Variants in FGF8 observed in about 807,000 individuals in gnomAD.
The protein encoded by FGF8 is androgen-induced growth factor.
Under a neutral mutation model 29.7 loss-of-function variants are expected in FGF8, and 12 were observed. That is an observed-to-expected ratio of 0.40 (90% CI 0.26 to 0.65). The LOEUF (loss-of-function observed/expected upper bound fraction) is 0.65, where lower values mean the gene tolerates loss of function less well. Among genes scored for constraint, FGF8 ranks in the 30% least tolerant of loss-of-function variants. The pLI is 0.37. For missense variants in FGF8, 271 were observed against 345.1 expected (o/e 0.79, Z 1.70); for synonymous variants, 157 against 144.4 (o/e 1.09, Z -0.63).
At chr10:101,776,483 C>G (rs1052039281), upstream of FGF8, among the ~76,000 whole-genome samples, 2 of 151,874 alleles carry the variant, frequency 1.3e-5, no homozygotes, top group African/African-American at 4.8e-5. Context: ...GCTGCAAACT[C>G]TGCGGGCCGG....
In FGF8 at chr10:101,775,927, C is replaced by A. The variant is rs1315801355; in HGVS notation, c.-27G>T. On this transcript the variant is annotated 5_prime_UTR_variant, in exon 1 of 6. Coordinates refer to ENST00000320185, the MANE Select transcript of FGF8 (RefSeq NM_033163.5). This position sits in a 1 kb window ranked among gnomAD's most constrained non-coding sequence, Gnocchi z 4.6. ...GCGCGCGGCCCCGGGGCACCGAGAGCCCGGCGGGTCACGCCGTCCCGCGGG... is the reference window on the plus strand; with the variant it reads ...GCGCGCGGCCCCGGGGCACCGAGAGACCGGCGGGTCACGCCGTCCCGCGGG... The A allele has an allele frequency of 8.2e-7, 1 of 1,212,938 alleles. No homozygotes were observed. The highest frequency in any genetic ancestry group is 1.0e-6 in the Non-Finnish European group (1 of 979,520). The allele number at this position is 1,212,938 out of a possible 1,614,324, so 75.1% of individuals were successfully genotyped here. A position where few individuals can be genotyped will look rare whatever the true frequency, so the allele number is the denominator to read the frequency against.
chr10:101,774,027 G>T (rs990664436), intron 4 of FGF8, among the ~76,000 whole-genome samples: 1 of 152,082 alleles, frequency 6.6e-6, no homozygotes, highest in Non-Finnish European at 1.5e-5. Flanking sequence ...CACAATAATC[G>T]CTCTCTAAAA....
In FGF8 at chr10:101,775,976, C is replaced by G; in HGVS notation, c.-76G>C. On this transcript the variant is annotated 5_prime_UTR_variant, in exon 1 of 6. Transcript: ENST00000320185. This position sits in a 1 kb window ranked among gnomAD's most constrained non-coding sequence, Gnocchi z 4.6. ...GGCCGCCGCGGGAGGACGCGCTGAGCAGGGCGCGAGCGGAGAGGGTGCGGG... is the reference window on the plus strand; with the variant it reads ...GGCCGCCGCGGGAGGACGCGCTGAGGAGGGCGCGAGCGGAGAGGGTGCGGG... 6.8e-6 allele frequency: 7 copies of G among 1,024,566 alleles called. No homozygotes were observed. Among genetic ancestry groups the G allele is most frequent in the Non-Finnish European group, 8.5e-6 (7 of 827,254 alleles). 63.5% of individuals were successfully genotyped at this position (1,024,566 alleles called of 1,614,324 possible).
At position 101,775,693 on chromosome 10, in the gene FGF8, T is replaced by C. The variant is rs1441408719; in HGVS notation, c.69+47A>G. The C allele has an allele frequency of 6.5e-7, 1 of 1,536,600 alleles. No individual in the cohort carries two copies. The highest frequency in any genetic ancestry group is 1.4e-5 in the African/African-American group (1 of 72,434). On this transcript the variant is annotated intron_variant, in intron 2 of 5. Transcript: ENST00000320185. The surrounding 1 kb of genome is among the most constrained non-coding windows in gnomAD (Gnocchi z 4.6). ...CCCCGACCGGCGCTGCCCACCCGGG[T>C]CTCACACCGGCGCGCCCGGCCCCCG...
chr10:101,774,104 G>A (rs1403946268), intron 4 of FGF8, among the ~76,000 whole-genome samples: 6 of 152,208 alleles, frequency 3.9e-5, no homozygotes, highest in Admixed American at 6.5e-5. Context: ...AATTGGCCCC[G>A]TTTCAAGGCA....
rs3218235 is a variant in FGF8 at position 101,771,442 on chromosome 10, A to G, written c.444+21T>C. 1.4e-5 allele frequency: 22 copies of G among 1,597,604 alleles called. No homozygotes were observed. The African/African-American group carries it at 2.8e-4, about 20-fold the overall frequency. On this transcript the variant is annotated intron_variant, in intron 5 of 5. Coordinates refer to ENST00000320185, the MANE Select transcript of FGF8 (RefSeq NM_033163.5). The surrounding 1 kb of genome is among the most constrained non-coding windows in gnomAD (Gnocchi z 5.3). ...CCACTCCCTAGGTCCCGCGGACCCCACCTGCCTGCTGGGGCCTCACCTTGG... is the reference window on the plus strand; with the variant it reads ...CCACTCCCTAGGTCCCGCGGACCCCGCCTGCCTGCTGGGGCCTCACCTTGG...
chr10:101,773,212 C>T (rs970459586), intron 4 of FGF8, among the ~76,000 whole-genome samples: 1 of 152,200 alleles, frequency 6.6e-6, no homozygotes, highest in Non-Finnish European at 1.5e-5. Context: ...GGACATCAGG[C>T]TTCCTCTGAT....
chr10:101,773,650 C>G (rs1041464988), intron 4 of FGF8, among the ~76,000 whole-genome samples: 1 of 152,164 alleles, frequency 6.6e-6, no homozygotes. Flanking sequence ...AAGTCAGCTA[C>G]GTCGATGCAG....
At chr10:101,773,147 G>A (rs2065046051) in intron 4 of FGF8, among the ~76,000 whole-genome samples, 1 of 152,218 alleles carries the variant, frequency 6.6e-6, no homozygotes, top group Admixed American at 6.5e-5. Context: ...CTATCCTGCT[G>A]TGGGGCAGGG....
chr10:101,775,310 A>C lies in FGF8; in HGVS notation c.70-94T>G. 1 of 933,308 alleles carries C rather than the reference A, an allele frequency of 1.1e-6. No individual in the cohort carries two copies. Among genetic ancestry groups the C allele is most frequent in the East Asian group, 2.6e-5 (1 of 37,834 alleles). 57.8% of individuals were successfully genotyped at this position (933,308 alleles called of 1,614,324 possible). A position where few individuals can be genotyped will look rare whatever the true frequency, so the allele number is the denominator to read the frequency against. On this transcript the variant is annotated intron_variant, in intron 2 of 5. Transcript: ENST00000320185. This position sits in a 1 kb window ranked among gnomAD's most constrained non-coding sequence, Gnocchi z 4.6. ...TTTACGGAGCAAATGTTGAGAGTGC[A>C]GGGAACCTGGGCACCCGATCATTGG...
Position 101,775,644 on chromosome 10 carries a change from C to T in FGF8, c.69+96G>A, listed in dbSNP as rs950465740. ...TAAGGTGCCCTCAGCCCTCCCGCGC[C>T]GGCCGCAGAGTCAGTCCCGGTGCCC... On this transcript the variant is annotated intron_variant, in intron 2 of 5. Transcript: ENST00000320185. This position sits in a 1 kb window ranked among gnomAD's most constrained non-coding sequence, Gnocchi z 4.6. The T allele has an allele frequency of 1.8e-5, 25 of 1,417,950 alleles. No homozygotes were observed. Among genetic ancestry groups the T allele is most frequent in the Non-Finnish European group, 2.3e-5 (24 of 1,049,388 alleles). The allele number at this position is 1,417,950 out of a possible 1,614,324, so 87.8% of individuals were successfully genotyped here.
chr10:101,777,273 A>G (rs1347746880), upstream of FGF8, among the ~76,000 whole-genome samples: 1 of 152,014 alleles, frequency 6.6e-6, no homozygotes, highest in Non-Finnish European at 1.5e-5. Flanking sequence ...GTGGACAGAG[A>G]TGCTCTGGGA....
rs2065084880 is a variant in FGF8, at chr10:101,775,906, G to A, written c.-6C>T. ...GCGGAGCGGGGGCTGCCCATGGCGC[G>A]CGGCCCCGGGGCACCGAGAGCCCGG... On this transcript the variant is annotated 5_prime_UTR_variant, in exon 1 of 6. Coordinates refer to ENST00000320185, the MANE Select transcript of FGF8 (RefSeq NM_033163.5). The surrounding 1 kb of genome is among the most constrained non-coding windows in gnomAD (Gnocchi z 4.6). 3.2e-6 allele frequency: 4 copies of A among 1,266,676 alleles called. No individual in the cohort carries two copies. Among genetic ancestry groups the A allele is most frequent in the Non-Finnish European group, 3.0e-6 (3 of 1,013,012 alleles). The allele number at this position is 1,266,676 out of a possible 1,614,324, so 78.5% of individuals were successfully genotyped here. A position where few individuals can be genotyped will look rare whatever the true frequency, so the allele number is the denominator to read the frequency against.
rs777982534 is a variant in FGF8, at chr10:101,775,114, G to A, written c.156+16C>T. On this transcript the variant is annotated intron_variant, in intron 3 of 5. Coordinates refer to ENST00000320185, the MANE Select transcript of FGF8 (RefSeq NM_033163.5). This position sits in a 1 kb window ranked among gnomAD's most constrained non-coding sequence, Gnocchi z 4.6. ...CAGCCCAGGATGAACGAGCCCCAGGGAGAAGCTGGACCCACCTGTTGGGAG... is the reference window on the plus strand; with the variant it reads ...CAGCCCAGGATGAACGAGCCCCAGGAAGAAGCTGGACCCACCTGTTGGGAG... The A allele has an allele frequency of 6.5e-6, 10 of 1,546,682 alleles. No individual in the cohort carries two copies. The African/African-American group carries it at 1.2e-4, about 19-fold the overall frequency.
At position 101,770,137 on chromosome 10, in the gene FGF8, G is replaced by GT. The variant is rs1221702808; in HGVS notation, c.*191dup. On this transcript the variant is annotated 3_prime_UTR_variant, in exon 6 of 6. Transcript: ENST00000320185. ...AATACAAAAATAGAGCCTCTCTTTT[G>GT]TTTTAAAAAAAAAAAAAAAAAAAAA... The GT allele has an allele frequency of 1.2e-4, 57 of 470,142 alleles. 1 individual carries two copies. Among genetic ancestry groups the GT allele is most frequent in the South Asian group, 3.0e-4 (10 of 33,722 alleles). 29.1% of individuals were successfully genotyped at this position (470,142 alleles called of 1,614,324 possible).
chr10:101,775,308 G>A lies in FGF8; in HGVS notation c.70-92C>T, dbSNP rs1564632685. The A allele has an allele frequency of 1.1e-6, 1 of 943,402 alleles. No individual in the cohort carries two copies. Among genetic ancestry groups the A allele is most frequent in the Non-Finnish European group, 1.6e-6 (1 of 609,044 alleles). 58.4% of individuals were successfully genotyped at this position (943,402 alleles called of 1,614,324 possible). ...AATTTACGGAGCAAATGTTGAGAGTGCAGGGAACCTGGGCACCCGATCATT... is the reference window on the plus strand; with the variant it reads ...AATTTACGGAGCAAATGTTGAGAGTACAGGGAACCTGGGCACCCGATCATT... On this transcript the variant is annotated intron_variant, in intron 2 of 5. Transcript: ENST00000320185. The surrounding 1 kb of genome is among the most constrained non-coding windows in gnomAD (Gnocchi z 4.6).
Position 101,775,108 on chromosome 10 carries a change from C to A in FGF8, c.156+22G>T. On this transcript the variant is annotated intron_variant, in intron 3 of 5. Transcript: ENST00000320185. The surrounding 1 kb of genome is among the most constrained non-coding windows in gnomAD (Gnocchi z 4.6). Reference sequence around the variant, plus strand: ...CAGACCCAGCCCAGGATGAACGAGCCCCAGGGAGAAGCTGGACCCACCTGT... The same window carrying A: ...CAGACCCAGCCCAGGATGAACGAGCACCAGGGAGAAGCTGGACCCACCTGT... 6.5e-7 allele frequency: 1 copy of A among 1,544,362 alleles called. No individual in the cohort carries two copies.
In FGF8 at chr10:101,775,118, A is replaced by T. The variant is rs1463476673; in HGVS notation, c.156+12T>A. On this transcript the variant is annotated intron_variant, in intron 3 of 5. Transcript: ENST00000320185. This position sits in a 1 kb window ranked among gnomAD's most constrained non-coding sequence, Gnocchi z 4.6. ...CCAGGATGAACGAGCCCCAGGGAGA[A>T]GCTGGACCCACCTGTTGGGAGACAC... 1 of 1,547,438 alleles carries T rather than the reference A, an allele frequency of 6.5e-7. No individual in the cohort carries two copies. Among genetic ancestry groups the T allele is most frequent in the South Asian group, 1.2e-5 (1 of 84,018 alleles).
In FGF8 at chr10:101,771,895, G is replaced by T. The variant is rs2065032998; in HGVS notation, c.338-326C>A. Among the ~76,000 whole-genome samples the T allele has an allele frequency of 6.6e-6, 1 of 152,236 alleles. No homozygotes were observed. Among genetic ancestry groups the T allele is most frequent in the African/African-American group, 2.4e-5 (1 of 41,462 alleles). Reference sequence around the variant, plus strand: ...TTAAACCAGACAGTGATGTCTCTTAGATTGAGGATCTAAGTAAAATTTAAT... The same window carrying T: ...TTAAACCAGACAGTGATGTCTCTTATATTGAGGATCTAAGTAAAATTTAAT... On this transcript the variant is annotated intron_variant, in intron 4 of 5. Coordinates refer to ENST00000320185, the MANE Select transcript of FGF8 (RefSeq NM_033163.5). This position sits in a 1 kb window ranked among gnomAD's most constrained non-coding sequence, Gnocchi z 5.3.
Sources: allele counts gnomAD v4.1 joint callset (sites outside exome capture counted in the v4.1 genomes callset), GRCh38; gene constraint gnomAD v4.1.1; non-coding constraint Gnocchi (gnomAD v3.1); transcripts MANE v1.5; gene names NCBI Gene and HGNC (gene_info 2026-07-23, HGNC 2026-07-21).